Variants in CARM1 observed in about 807,000 individuals in gnomAD.
CARM1 encodes the protein histone-arginine methyltransferase CARM1.
Under a neutral mutation model 72.7 loss-of-function variants are expected in CARM1, and 14 were observed. That is an observed-to-expected ratio of 0.19 (90% CI 0.13 to 0.30). The LOEUF (loss-of-function observed/expected upper bound fraction) is 0.30. Ranked by LOEUF, CARM1 falls within the 10% of genes least tolerant of loss-of-function variation. CARM1 has a pLI of 1.00. For synonymous variants in CARM1, 333 were observed against 345.5 expected (o/e 0.96, Z 0.40); for missense variants, 432 against 833.7 (o/e 0.52, Z 5.93).
intron 1 of CARM1, among the ~76,000 whole-genome samples, chr19:10,903,447 TC>T (rs1382719101): frequency 1.3e-5 from 2 of 152,232 alleles, no homozygotes; most frequent in Non-Finnish European, 2.9e-5. Context: ...CATAAATACT[TC>T]CGCATATGTT....
chr19:10,919,511 C>A (rs2074223471), intron 8 of CARM1, 84 bp from the exon 9 acceptor site: 1 of 992,372 alleles, frequency 1.0e-6, no homozygotes, highest in Non-Finnish European at 1.6e-6. Flanking sequence ...AAGCCGTGGG[C>A]AGACCTGGGG....
At position 10,908,164 on chromosome 19, in the gene CARM1, C is replaced by T; in HGVS notation, c.453+19C>T. On this transcript the variant is annotated intron_variant, in intron 3 of 15. Transcript: ENST00000327064. ...CTTCCAGGTGGGTTGTACTCCCCCT[C>T]AGCCAGGCCGCCTCCCCCCGGCAGC... 1 of 1,556,578 alleles carries T rather than the reference C, an allele frequency of 6.4e-7. No homozygotes were observed. The highest frequency in any genetic ancestry group is 8.9e-7 in the Non-Finnish European group (1 of 1,127,876).
At chr19:10,906,070 C>T (rs563805939) in intron 2 of CARM1, among the ~76,000 whole-genome samples, 3 of 151,176 alleles carry the variant, frequency 2.0e-5, no homozygotes, top group Non-Finnish European at 4.4e-5. Flanking sequence ...ATGCCTCAGC[C>T]TCCCGCGTAG....
Position 10,920,348 on chromosome 19 carries a change from G to A in CARM1, c.1197-88G>A. On this transcript the variant is annotated intron_variant, in intron 10 of 15. Transcript: ENST00000327064. The surrounding 1 kb of genome is among the most constrained non-coding windows in gnomAD (Gnocchi z 5.3). ...CAGGGGTCCCTGGCAGAGGGGGCAG[G>A]TGCTTGGGGAGGACTCAAGGCATAC... The A allele has an allele frequency of 1.4e-6, 2 of 1,478,094 alleles. No homozygotes were observed. The highest frequency in any genetic ancestry group is 1.8e-6 in the Non-Finnish European group (2 of 1,092,702). The allele number at this position is 1,478,094 out of a possible 1,614,324, so 91.6% of individuals were successfully genotyped here.
chr19:10,904,919 C>A, intron 1 of CARM1, 32 bp from the exon 2 acceptor site: 1 of 1,611,366 alleles, frequency 6.2e-7, no homozygotes, highest in Non-Finnish European at 8.5e-7. Flanking sequence ...GACAGGGCTG[C>A]ACCGCTCACG....
chr19:10,893,500 G>A (rs1409838228), intron 1 of CARM1, among the ~76,000 whole-genome samples: 4 of 151,990 alleles, frequency 2.6e-5, no homozygotes, highest in Non-Finnish European at 5.9e-5. Flanking sequence ...TACCACGCCC[G>A]GCTAATTTTT....
Position 10,909,096 on chromosome 19 carries a change from G to T in CARM1, c.454-7G>T. Reference sequence around the variant, plus strand: ...TGCCCCGTGCCATCGGTATGTCTCTGTTCCAGTTTTATGGCTACCTGTCCC... The same window carrying T: ...TGCCCCGTGCCATCGGTATGTCTCTTTTCCAGTTTTATGGCTACCTGTCCC... On this transcript the variant is annotated splice_polypyrimidine_tract_variant and splice_region_variant and intron_variant, in intron 3 of 15. Coordinates refer to ENST00000327064, the MANE Select transcript of CARM1 (RefSeq NM_199141.2). 1 of 1,609,830 alleles carries T rather than the reference G, an allele frequency of 6.2e-7. No individual in the cohort carries two copies.
intron 1 of CARM1, among the ~76,000 whole-genome samples, chr19:10,885,490 C>T (rs1437893477): frequency 6.6e-6 from 1 of 152,166 alleles, no homozygotes; most frequent in Non-Finnish European, 1.5e-5. Context: ...GCGGTGTGGG[C>T]ATGGGTGCTA....
At chr19:10,894,019 A>T (rs964646946) in intron 1 of CARM1, among the ~76,000 whole-genome samples, 1 of 152,158 alleles carries the variant, frequency 6.6e-6, no homozygotes, top group Non-Finnish European at 1.5e-5. Context: ...CAAGCCACAC[A>T]GGAATGGGGG....
At chr19:10,884,353 A>C (rs1243137651) in intron 1 of CARM1, among the ~76,000 whole-genome samples, 1 of 151,794 alleles carries the variant, frequency 6.6e-6, no homozygotes, top group Admixed American at 6.6e-5. Flanking sequence ...AAAAAAAAAA[A>C]AAACAAAAAG....
intron 1 of CARM1, among the ~76,000 whole-genome samples, chr19:10,880,651 G>C (rs577313273): frequency 3.7e-4 from 56 of 152,118 alleles, no homozygotes; most frequent in Non-Finnish European, 7.4e-4. Flanking sequence ...TGGCAGCCAC[G>C]GCTCCAGAGC....
intron 8 of CARM1, among the ~76,000 whole-genome samples, chr19:10,917,810 CG>C (rs2074210420): frequency 6.6e-6 from 1 of 150,734 alleles, no homozygotes; most frequent in African/African-American, 2.4e-5. Flanking sequence ...CTCCACTTTC[CG>C]GGCTCAAGCG....
At position 10,916,651 on chromosome 19, in the gene CARM1, C is replaced by T. The variant is rs1331071406; in HGVS notation, c.939-45C>T. On this transcript the variant is annotated intron_variant, in intron 7 of 15. Coordinates refer to ENST00000327064, the MANE Select transcript of CARM1 (RefSeq NM_199141.2). This position sits in a 1 kb window ranked among gnomAD's most constrained non-coding sequence, Gnocchi z 4.4. ...GAAGGCAGGGCTACCCCACCTGCCT[C>T]TTCTGCAGCCCTGACCTTGCTGTGG... The T allele has an allele frequency of 5.3e-6, 8 of 1,522,768 alleles. No individual in the cohort carries two copies. The allele number at this position is 1,522,768 out of a possible 1,614,324, so 94.3% of individuals were successfully genotyped here. A position where few individuals can be genotyped will look rare whatever the true frequency, so the allele number is the denominator to read the frequency against.
chr19:10,874,824 C>T (rs543550884), intron 1 of CARM1, among the ~76,000 whole-genome samples: 4 of 152,234 alleles, frequency 2.6e-5, no homozygotes, highest in African/African-American at 9.6e-5. Context: ...GAGGTTGAGA[C>T]CAGCTTGGCC....
In CARM1 at chr19:10,904,997, G is replaced by A; in HGVS notation, c.267G>A (p.Glu89=). 6.2e-7 allele frequency: 1 copy of A among 1,614,230 alleles called. No individual in the cohort carries two copies. The highest frequency in any genetic ancestry group is 2.2e-5 in the East Asian group (1 of 44,888). Reference sequence around the variant, plus strand: ...AGTGCTCAGTGTCCCGAGAGACAGAGTGCAGCCGTGTGGGCAAGCAGTCCT... The same window carrying A: ...AGTGCTCAGTGTCCCGAGAGACAGAATGCAGCCGTGTGGGCAAGCAGTCCT... ...VFKCSVSRET[E]CSRVGKQSFI... Residue 89 remains glutamate (E), a synonymous_variant, in exon 2 of 16, where the codon GAG becomes GAA. Transcript: ENST00000327064.
In CARM1 at chr19:10,915,073, A is replaced by T. The variant is rs1315484975; in HGVS notation, c.847+1019A>T. Among the ~76,000 whole-genome samples the T allele has an allele frequency of 2.0e-5, 3 of 152,192 alleles. No homozygotes were observed. Among genetic ancestry groups the T allele is most frequent in the Admixed American group, 2.0e-4 (3 of 15,282 alleles). On this transcript the variant is annotated intron_variant, in intron 6 of 15. Transcript: ENST00000327064. This position sits in a 1 kb window ranked among gnomAD's most constrained non-coding sequence, Gnocchi z 4.6. ...AGCAGCAGGCTGGTGGGGCTTGTGC[A>T]GGCAGGGGCAGGGGGGAAGCTTCCA...
At chr19:10,874,932 G>A (rs2073851618) in intron 1 of CARM1, among the ~76,000 whole-genome samples, 1 of 152,010 alleles carries the variant, frequency 6.6e-6, no homozygotes, top group Non-Finnish European at 1.5e-5. Context: ...GATGAGGTGG[G>A]AGGATCGCTT....
chr19:10,886,985 G>A (rs1359631311), intron 1 of CARM1, among the ~76,000 whole-genome samples: 1 of 152,208 alleles, frequency 6.6e-6, no homozygotes, highest in African/African-American at 2.4e-5. Flanking sequence ...GAGGAGCTGG[G>A]CCTCCTGCCT....
At chr19:10,875,371 A>G (rs1347482665) in intron 1 of CARM1, among the ~76,000 whole-genome samples, 3 of 150,954 alleles carry the variant, frequency 2.0e-5, no homozygotes, top group Non-Finnish European at 2.9e-5. Flanking sequence ...GCCGTGTTAT[A>G]GGCTGGTCTC....
Sources: allele counts gnomAD v4.1 joint callset (sites outside exome capture counted in the v4.1 genomes callset), GRCh38; gene constraint gnomAD v4.1.1; non-coding constraint Gnocchi (gnomAD v3.1); transcripts MANE v1.5; gene names NCBI Gene and HGNC (gene_info 2026-07-23, HGNC 2026-07-21).